The following SEMA4F variants were observed in gnomAD, a reference collection of about 807,000 sequenced individuals.
SEMA4F encodes ssemaphorin 4F, also known as semaphorin-4F.
In SEMA4F, 51 loss-of-function variants were observed where a neutral mutation model predicts 78.4. That is an observed-to-expected ratio of 0.65 (90% CI 0.52 to 0.82). The LOEUF (loss-of-function observed/expected upper bound fraction) is 0.82, where lower values mean the gene tolerates loss of function less well. SEMA4F is among the 40% of genes least tolerant of loss of function. The pLI, the probability that SEMA4F is intolerant of heterozygous loss-of-function variation, is 0.00. For missense variants in SEMA4F, 938 were observed against 1,014.4 expected (o/e 0.92, Z 1.02); for synonymous variants, 418 against 408.7 (o/e 1.02, Z -0.27).
chr2:74,667,871 C>G (rs1684775329), intron 5 of SEMA4F, among the ~76,000 whole-genome samples: 1 of 152,186 alleles, frequency 6.6e-6, no homozygotes, highest in Admixed American at 6.5e-5. Context: ...TCTGTTTCCA[C>G]TGCATTCTGA....
chr2:74,708,157 C>T, the SEMA4F span, among the ~76,000 whole-genome samples: 1 of 151,906 alleles, frequency 6.6e-6, no homozygotes, highest in Non-Finnish European at 1.5e-5. Flanking sequence ...AAAATCAAAA[C>T]CTGAGGATCC....
At chr2:74,663,093 G>T (rs1234034922) in intron 5 of SEMA4F, among the ~76,000 whole-genome samples, 1 of 151,990 alleles carries the variant, frequency 6.6e-6, no homozygotes, top group Admixed American at 6.5e-5. Flanking sequence ...TTTTCTCATA[G>T]TGTTTTTATT....
At chr2:74,676,005 G>T (rs1685263360) in intron 12 of SEMA4F, 96 bp downstream of exon 12, 1 of 1,386,082 alleles carries the variant, frequency 7.2e-7, no homozygotes, top group African/African-American at 1.4e-5. Flanking sequence ...CCCTGCCGGA[G>T]GCTGTTTTCT....
intron 4 of SEMA4F, 121 bp from the exon 5 acceptor site, chr2:74,662,611 G>A (rs892460752): frequency 1.3e-6 from 1 of 784,196 alleles, no homozygotes; most frequent in Non-Finnish European, 2.3e-6. Flanking sequence ...ATAGTTGGGG[G>A]TAGGGAGTGG....
chr2:74,657,577 G>T lies in SEMA4F; in HGVS notation c.310G>T (p.Val104Phe), dbSNP rs761803343. The T allele has an allele frequency of 1.2e-5, 19 of 1,614,038 alleles. No individual in the cohort carries two copies. Among genetic ancestry groups the T allele is most frequent in the Admixed American group, 3.3e-5 (2 of 60,004 alleles). Residue 104 changes from valine to phenylalanine, a missense_variant, in exon 3 of 14, where the codon GTT becomes TTT. Coordinates refer to ENST00000357877, the MANE Select transcript of SEMA4F (RefSeq NM_004263.5). ...GERPRRIDWMVPEAHRQNCRK... is the reference protein window; with the variant it reads ...GERPRRIDWMFPEAHRQNCRK... Reference sequence around the variant, plus strand: ...TCTCCTTTCTCAGATTGACTGGATGGTTCCTGAGGCTCACAGACAGAACTG... The same window carrying T: ...TCTCCTTTCTCAGATTGACTGGATGTTTCCTGAGGCTCACAGACAGAACTG...
chr2:74,655,391 G>T, intron 1 of SEMA4F: 3 of 281,008 alleles, frequency 1.1e-5, no homozygotes, highest in South Asian at 1.1e-4. Context: ...TGCTGAGGTG[G>T]GTATGAGCAT....
At chr2:74,703,548 G>A in the SEMA4F span, among the ~76,000 whole-genome samples, 1 of 152,154 alleles carries the variant, frequency 6.6e-6, no homozygotes, top group Admixed American at 6.5e-5. Flanking sequence ...GTGTTGCAAT[G>A]GGCCAAAATG....
At chr2:74,663,626 C>T (rs1408947029) in intron 5 of SEMA4F, among the ~76,000 whole-genome samples, 2 of 152,086 alleles carry the variant, frequency 1.3e-5, no homozygotes, top group African/African-American at 4.8e-5. Context: ...CAGTGTGTCA[C>T]ATAGTGAGAG....
chr2:74,706,044 A>G, the SEMA4F span, among the ~76,000 whole-genome samples: 5 of 152,104 alleles, frequency 3.3e-5, no homozygotes, highest in Non-Finnish European at 7.4e-5. Context: ...ATTTGCATTA[A>G]ATTACTAGTA....
downstream of SEMA4F, among the ~76,000 whole-genome samples, chr2:74,685,391 C>T (rs1469206141): frequency 6.6e-6 from 1 of 152,006 alleles, no homozygotes; most frequent in Admixed American, 6.5e-5. Context: ...ATTTTTCTTC[C>T]ATTAGTCTGT....
At chr2:74,662,435 G>A (rs1181375941) in intron 4 of SEMA4F, among the ~76,000 whole-genome samples, 1 of 152,154 alleles carries the variant, frequency 6.6e-6, no homozygotes, top group Non-Finnish European at 1.5e-5. Flanking sequence ...CAGCCTCTTA[G>A]GTGCTTCTTG....
chr2:74,682,680 CACTT>C lies in SEMA4F; in HGVS notation c.*2472_*2475del, dbSNP rs1685685339. 1 of 152,266 alleles carries C rather than the reference CACTT, an allele frequency of 6.6e-6. No individual in the cohort carries two copies. Among genetic ancestry groups the C allele is most frequent in the African/African-American group, 2.4e-5 (1 of 41,426 alleles). 9.4% of individuals were successfully genotyped at this position (152,266 alleles called of 1,614,324 possible). Reference sequence around the variant, plus strand: ...CCTCAGCCTATCTTTCAACCCCACTCACTTGAGGTTGTGGCCTAGTTCCTCTTTG... The same window carrying C: ...CCTCAGCCTATCTTTCAACCCCACTCGAGGTTGTGGCCTAGTTCCTCTTTG... On this transcript the variant is annotated 3_prime_UTR_variant, in exon 14 of 14. Transcript: ENST00000357877.
rs759686917 is a variant in SEMA4F at position 74,675,335 on chromosome 2, G to A, written c.1323G>A (p.Arg441=). ...CCTATCTCAGAGTCGTGGCCCACAG[G>A]GTGACCAGCCTCTCAGGGAAAGAGT... ...DTAYLRVVAH[R]VTSLSGKEYD... The change falls in exon 10 of 14, where the codon AGG becomes AGA. Residue 441 remains arginine (R), a synonymous_variant. Transcript: ENST00000357877. 3 of 1,613,958 alleles carry A rather than the reference G, an allele frequency of 1.9e-6. No individual in the cohort carries two copies. The highest frequency in any genetic ancestry group is 3.3e-5 in the Admixed American group (2 of 59,992).
intron 5 of SEMA4F, among the ~76,000 whole-genome samples, chr2:74,665,802 T>C (rs998914260): frequency 2.0e-5 from 3 of 152,200 alleles, no homozygotes; most frequent in Admixed American, 2.0e-4. Context: ...GGTTGTGATA[T>C]CTCTTGAGTC....
chr2:74,691,962 G>T, the SEMA4F span, among the ~76,000 whole-genome samples: 9 of 152,298 alleles, frequency 5.9e-5, no homozygotes, highest in Admixed American at 5.9e-4. Context: ...CCTGTCGGGG[G>T]TAACAGTGTC....
At chr2:74,665,969 G>A (rs1301075426) in intron 5 of SEMA4F, among the ~76,000 whole-genome samples, 1 of 150,978 alleles carries the variant, frequency 6.6e-6, no homozygotes, top group Non-Finnish European at 1.5e-5. Context: ...ATGCAGTGGC[G>A]CCATCTCGGC....
Position 74,666,469 on chromosome 2 carries a change from C to T in SEMA4F, c.550+3644C>T, listed in dbSNP as rs184062017. 1.3e-4 allele frequency among the ~76,000 whole-genome samples: 20 copies of T among 151,096 alleles called. No homozygotes were observed. In the East Asian group the frequency reaches 3.1e-3, roughly 23 times the overall value. Reference sequence around the variant, plus strand: ...CCTTTCAGTTGATAATTGATGGAGGCGATCAGAACTCACTTCCTAATGGTT... The same window carrying T: ...CCTTTCAGTTGATAATTGATGGAGGTGATCAGAACTCACTTCCTAATGGTT... On this transcript the variant is annotated intron_variant, in intron 5 of 13. Coordinates refer to ENST00000357877, the MANE Select transcript of SEMA4F (RefSeq NM_004263.5).
Position 74,679,327 on chromosome 2 carries a change from G to A in SEMA4F, c.1695G>A (p.Glu565=), listed in dbSNP as rs780468543. 6 of 1,612,744 alleles carry A rather than the reference G, an allele frequency of 3.7e-6. No homozygotes were observed. The East Asian group carries it at 8.9e-5, about 24-fold the overall frequency. Residue 565 remains glutamate (E), a synonymous_variant, in exon 13 of 14, where the codon GAG becomes GAA. Transcript: ENST00000357877. The part of the protein sequence containing the change: ...SADVSSLCPK[E]PGERPVVFEV... ...ATGTCTCCTCTTTGTGTCCTAAAGA[G>A]CCTGGAGGTCTGTATGGTCTGTATG... is the stretch of plus-strand genomic sequence containing the variant.
chr2:74,689,365 A>C, the SEMA4F span, among the ~76,000 whole-genome samples: 1 of 152,210 alleles, frequency 6.6e-6, no homozygotes, highest in Non-Finnish European at 1.5e-5. Flanking sequence ...TGCTCCCCAA[A>C]CAAGGATTTG....
Sources: allele counts gnomAD v4.1 joint callset (sites outside exome capture counted in the v4.1 genomes callset), GRCh38; gene constraint gnomAD v4.1.1; transcripts MANE v1.5; gene names NCBI Gene and HGNC (gene_info 2026-07-23, HGNC 2026-07-21).